Variants in FHL2 observed in about 807,000 individuals in gnomAD.
The protein encoded by FHL2 is four and a half LIM domains protein 2.
In FHL2, 20 loss-of-function variants were observed where a neutral mutation model predicts 32.7. The ratio of observed to expected loss-of-function variants is 0.61; its 90% confidence interval spans 0.43 to 0.89. The LOEUF (loss-of-function observed/expected upper bound fraction) is 0.89. Ranked by LOEUF, FHL2 falls within the 40% of genes least tolerant of loss-of-function variation. The pLI is 0.00. For synonymous variants in FHL2, 123 were observed against 128.1 expected (o/e 0.96, Z 0.27); for missense variants, 311 against 358.6 (o/e 0.87, Z 1.07).
At position 105,399,047 on chromosome 2, in the gene FHL2, C is replaced by T; in HGVS notation, c.-281G>A. ...TGGTGGCTGCGGCTCCGCTGCCGGCCGAGTGGAGCGCTGCGCAGCTCCCGC... is the reference window on the plus strand; with the variant it reads ...TGGTGGCTGCGGCTCCGCTGCCGGCTGAGTGGAGCGCTGCGCAGCTCCCGC... On this transcript the variant is annotated 5_prime_UTR_variant, in exon 1 of 7. Coordinates refer to ENST00000530340, the MANE Select transcript of FHL2 (RefSeq NM_001318895.3). 1 of 1,496,164 alleles carries T rather than the reference C, an allele frequency of 6.7e-7. No individual in the cohort carries two copies. Among genetic ancestry groups the T allele is most frequent in the South Asian group, 1.3e-5 (1 of 78,312 alleles). The allele number at this position is 1,496,164 out of a possible 1,614,324, so 92.7% of individuals were successfully genotyped here.
chr2:105,424,355 A>G (rs1242176256), intron 1 of FHL2, among the ~76,000 whole-genome samples: 1 of 152,240 alleles, frequency 6.6e-6, no homozygotes, highest in Admixed American at 6.5e-5. Context: ...TAGAATGCTG[A>G]TCATTAAAAA....
chr2:105,407,180 C>G (rs1372610232), intron 1 of FHL2, among the ~76,000 whole-genome samples: 4 of 152,122 alleles, frequency 2.6e-5, no homozygotes, highest in African/African-American at 7.2e-5. Context: ...ATCACAAGGT[C>G]AAGAGATAGA....
At chr2:105,388,690 C>T (rs1265367284) in intron 2 of FHL2, among the ~76,000 whole-genome samples, 9 of 151,490 alleles carry the variant, frequency 5.9e-5, no homozygotes, top group Non-Finnish European at 1.3e-4. Context: ...AAAAATTAGC[C>T]GGGCTTACTG....
chr2:105,379,408 C>T (rs1329895237), intron 3 of FHL2, among the ~76,000 whole-genome samples: 1 of 152,182 alleles, frequency 6.6e-6, no homozygotes, highest in African/African-American at 2.4e-5. Context: ...CTTAAAGCTC[C>T]ACGTTGGTAA....
At position 105,386,567 on chromosome 2, in the gene FHL2, T is replaced by A. The variant is rs770291224; in HGVS notation, c.-24-27A>T. On this transcript the variant is annotated intron_variant, in intron 2 of 6. Coordinates refer to ENST00000530340, the MANE Select transcript of FHL2 (RefSeq NM_001318895.3). ...TATCAAAAAGAAAAGAAAATCCAAG[T>A]CCCATTAAGCACTCTCTGAAAGGGG... 3 of 1,610,060 alleles carry A rather than the reference T, an allele frequency of 1.9e-6. No homozygotes were observed. The East Asian group carries it at 6.7e-5, about 36-fold the overall frequency.
In FHL2 at chr2:105,422,197, T is replaced by G. The variant is rs548792055; in HGVS notation, c.-25+16202A>C. 5.3e-5 allele frequency among the ~76,000 whole-genome samples: 8 copies of G among 152,348 alleles called. No homozygotes were observed. The East Asian group carries it at 1.5e-3, about 29-fold the overall frequency. ...GCTTGAAGATGTGTTGGTTTGCTTA[T>G]GTTTGTAACTTGTTTGCTTTTATGC... On this transcript the variant is annotated intron_variant, in intron 1 of 5. Coordinates refer to the FHL2 transcript ENST00000393352.
chr2:105,398,818 C>A (rs1404450545), intron 1 of FHL2, 24 bp downstream of exon 1: 3 of 1,405,318 alleles, frequency 2.1e-6, no homozygotes, highest in Non-Finnish European at 1.9e-6. Flanking sequence ...TCTTCCCGGA[C>A]CCACAGCTCT....
chr2:105,412,145 G>T (rs972078274), intron 1 of FHL2, among the ~76,000 whole-genome samples: 1 of 152,202 alleles, frequency 6.6e-6, no homozygotes, highest in Non-Finnish European at 1.5e-5. Flanking sequence ...GTTCATAGCA[G>T]CATTATTCAC....
intron 1 of FHL2, among the ~76,000 whole-genome samples, chr2:105,425,643 G>A (rs1428495348): frequency 3.9e-5 from 6 of 152,024 alleles, no homozygotes; most frequent in African/African-American, 1.4e-4. Context: ...CCTGTGGCGG[G>A]AGACGAGACA....
chr2:105,404,498 C>T (rs192427101), intron 1 of FHL2, among the ~76,000 whole-genome samples: 43 of 152,290 alleles, frequency 2.8e-4, no homozygotes, highest in Admixed American at 3.3e-4. Flanking sequence ...TTTCTGGAAA[C>T]ACTATTTGCC....
intron 2 of FHL2, 104 bp downstream of exon 2, chr2:105,396,543 G>A (rs1002391532): frequency 1.0e-6 from 1 of 971,438 alleles, no homozygotes; most frequent in Non-Finnish European, 1.6e-6. Flanking sequence ...CTGAATGTTT[G>A]GGCACCGCAT....
chr2:105,407,188 A>C (rs950821919), intron 1 of FHL2, among the ~76,000 whole-genome samples: 4 of 152,148 alleles, frequency 2.6e-5, no homozygotes, highest in Admixed American at 6.5e-5. Flanking sequence ...GTCAAGAGAT[A>C]GAGACCATCC....
intron 5 of FHL2, among the ~76,000 whole-genome samples, chr2:105,366,431 A>T (rs1016781198): frequency 6.6e-6 from 1 of 152,192 alleles, no homozygotes; most frequent in African/African-American, 2.4e-5. Flanking sequence ...TAACAGGAGG[A>T]GAGCGAACAG....
intron 1 of FHL2, among the ~76,000 whole-genome samples, chr2:105,423,602 A>G (rs1368393830): frequency 6.6e-6 from 1 of 152,222 alleles, no homozygotes; most frequent in Non-Finnish European, 1.5e-5. Flanking sequence ...ATTTACTTCC[A>G]TCACACTACC....
chr2:105,364,851 G>A (rs1680519743), intron 5 of FHL2, among the ~76,000 whole-genome samples: 1 of 152,220 alleles, frequency 6.6e-6, no homozygotes, highest in Non-Finnish European at 1.5e-5. Flanking sequence ...AGAATTCATA[G>A]CTGGTTAATG....
chr2:105,399,482 G>C (rs1162232681), upstream of FHL2: 2 of 1,536,072 alleles, frequency 1.3e-6, no homozygotes, highest in African/African-American at 2.7e-5. Context: ...TATTTGCAAG[G>C]TGGACGTTTT....
At chr2:105,382,345 G>A (rs768466141) in intron 3 of FHL2, among the ~76,000 whole-genome samples, 4 of 152,230 alleles carry the variant, frequency 2.6e-5, no homozygotes, top group Non-Finnish European at 5.9e-5. Context: ...TCTGGCCCGA[G>A]AGTCACATAG....
At chr2:105,376,662 A>T (rs960322638) in intron 3 of FHL2, 2 of 152,248 alleles carry the variant, frequency 1.3e-5, no homozygotes, top group African/African-American at 4.8e-5. Context: ...GTACTTTTGG[A>T]TATATACCCA....
chr2:105,374,593 G>A (rs1681331935), intron 3 of FHL2: 1 of 152,058 alleles, frequency 6.6e-6, no homozygotes, highest in South Asian at 2.1e-4. Flanking sequence ...GAGAGGCCCT[G>A]AGAAGACAGA....
Sources: gnomAD v4.1 joint callset for allele counts (sites outside exome capture counted in the v4.1 genomes callset) on GRCh38, gnomAD v4.1.1 for gene constraint, MANE v1.5 for transcripts, NCBI Gene and HGNC (gene_info 2026-07-23, HGNC 2026-07-21) for gene names.